Variants in GALNTL6 observed in about 807,000 individuals in gnomAD.
The protein encoded by GALNTL6 is polypeptide N-acetylgalactosaminyltransferase like 6.
GALNTL6 carries 46 observed loss-of-function variants against 73.7 expected under a neutral mutation model. That is an observed-to-expected ratio of 0.62 (90% CI 0.49 to 0.80). The LOEUF (loss-of-function observed/expected upper bound fraction) is 0.80, where lower values mean the gene tolerates loss of function less well. GALNTL6 is among the 30% of genes least tolerant of loss of function. The pLI is 0.00. For missense variants in GALNTL6, 604 were observed against 755.0 expected (o/e 0.80, Z 2.34); for synonymous variants, 259 against 263.7 (o/e 0.98, Z 0.17).
intron 5 of GALNTL6, among the ~76,000 whole-genome samples, chr4:172,452,141 A>G (rs1038949967): frequency 6.6e-6 from 1 of 152,214 alleles, no homozygotes; most frequent in Admixed American, 6.5e-5. Context: ...ATTTCCTGAT[A>G]TAACTGTCCA....
intron 3 of GALNTL6, among the ~76,000 whole-genome samples, chr4:172,307,525 T>A (rs576110536): frequency 1.3e-5 from 2 of 152,294 alleles, no homozygotes; most frequent in South Asian, 4.1e-4. Flanking sequence ...CTTGAGTTGA[T>A]TTTTGTATAA....
chr4:172,714,306 A>AACACACAC (rs3084330), intron 5 of GALNTL6, among the ~76,000 whole-genome samples: 4 of 149,276 alleles, frequency 2.7e-5, no homozygotes, highest in Admixed American at 1.3e-4. Flanking sequence ...TTTCACACCA[A>AACACACAC]ACACACACAC....
chr4:172,705,803 T>C lies in GALNTL6; in HGVS notation c.554-103558T>C, dbSNP rs570177741. Reference sequence around the variant, plus strand: ...CACTATTAGTATGTCATCCCACTTCTTCCTGTCCTGTAGGGTTTCTACTGA... The same window carrying C: ...CACTATTAGTATGTCATCCCACTTCCTCCTGTCCTGTAGGGTTTCTACTGA... On this transcript the variant is annotated intron_variant, in intron 5 of 12. Coordinates refer to ENST00000506823, the MANE Select transcript of GALNTL6 (RefSeq NM_001034845.3). Among the ~76,000 whole-genome samples the C allele has an allele frequency of 1.9e-3, 293 of 152,292 alleles. 3 individuals carry two copies. Among genetic ancestry groups the C allele is most frequent in the African/African-American group, 6.7e-3 (280 of 41,584 alleles).
At chr4:172,605,555 A>C (rs1267572089) in intron 5 of GALNTL6, among the ~76,000 whole-genome samples, 1 of 152,202 alleles carries the variant, frequency 6.6e-6, no homozygotes, top group Non-Finnish European at 1.5e-5. Flanking sequence ...AAACATATTA[A>C]GAACTTCTAG....
At chr4:172,551,913 A>G in intron 5 of GALNTL6, among the ~76,000 whole-genome samples, 1 of 152,258 alleles carries the variant, frequency 6.6e-6, no homozygotes, top group East Asian at 1.9e-4. Flanking sequence ...GTAAAGAAAA[A>G]TTCAAGTGTG....
At chr4:172,517,579 C>G (rs1350483330) in intron 5 of GALNTL6, among the ~76,000 whole-genome samples, 1 of 152,044 alleles carries the variant, frequency 6.6e-6, no homozygotes, top group Non-Finnish European at 1.5e-5. Context: ...CTTTTACCAC[C>G]AGCTCAACCT....
chr4:171,988,173 G>A (rs1042124521), intron 2 of GALNTL6, among the ~76,000 whole-genome samples: 3 of 152,202 alleles, frequency 2.0e-5, no homozygotes, highest in Non-Finnish European at 2.9e-5. Context: ...GGACAGAAAG[G>A]CTACAGGGTG....
intron 5 of GALNTL6, among the ~76,000 whole-genome samples, chr4:172,499,301 G>A (rs1357898737): frequency 6.6e-6 from 1 of 152,056 alleles, no homozygotes; most frequent in Admixed American, 6.6e-5. Context: ...CTTATAAGAG[G>A]AGACTCAAGA....
intron 2 of GALNTL6, among the ~76,000 whole-genome samples, chr4:171,842,655 T>C (rs1421715309): frequency 6.6e-6 from 1 of 151,286 alleles, no homozygotes; most frequent in East Asian, 2.0e-4. Context: ...AAGGAGGAGG[T>C]CCTAGACTCT....
chr4:172,305,728 G>T (rs1431420545), intron 3 of GALNTL6, among the ~76,000 whole-genome samples: 2 of 152,086 alleles, frequency 1.3e-5, no homozygotes, highest in South Asian at 2.1e-4. Flanking sequence ...AGTAAAAACT[G>T]CTGGCTTTGT....
intron 2 of GALNTL6, among the ~76,000 whole-genome samples, chr4:171,848,677 C>T (rs772886814): frequency 1.8e-4 from 28 of 152,238 alleles, no homozygotes; most frequent in Non-Finnish European, 3.8e-4. Flanking sequence ...TTCTTTAAAC[C>T]TCATGAACCA....
At chr4:171,977,289 G>A (rs1031902690) in intron 2 of GALNTL6, among the ~76,000 whole-genome samples, 1 of 152,160 alleles carries the variant, frequency 6.6e-6, no homozygotes, top group African/African-American at 2.4e-5. Flanking sequence ...TTATTGGTCT[G>A]AGTTATTACC....
chr4:172,841,089 T>C (rs930558358), intron 7 of GALNTL6, among the ~76,000 whole-genome samples: 6 of 152,292 alleles, frequency 3.9e-5, no homozygotes, highest in African/African-American at 1.4e-4. Context: ...TGCTGCCACA[T>C]CTGCTTCCAG....
intron 3 of GALNTL6, among the ~76,000 whole-genome samples, chr4:172,300,941 T>C (rs1014753576): frequency 5.3e-5 from 8 of 152,240 alleles, no homozygotes; most frequent in African/African-American, 1.9e-4. Flanking sequence ...GAAGTTCTCC[T>C]GGATAATTTC....
At chr4:172,624,244 G>C (rs775249699) in intron 5 of GALNTL6, among the ~76,000 whole-genome samples, 10 of 151,964 alleles carry the variant, frequency 6.6e-5, no homozygotes, top group Non-Finnish European at 1.2e-4. Context: ...CTTAACAGGA[G>C]TGCTTTTTTG....
At chr4:172,896,313 G>A (rs1746328234) in intron 8 of GALNTL6, among the ~76,000 whole-genome samples, 1 of 152,108 alleles carries the variant, frequency 6.6e-6, no homozygotes, top group Non-Finnish European at 1.5e-5. Flanking sequence ...TATGTTTCCT[G>A]AGTCCAGCTA....
chr4:172,210,755 A>C (rs1467658876), intron 2 of GALNTL6, among the ~76,000 whole-genome samples: 1 of 152,150 alleles, frequency 6.6e-6, no homozygotes, highest in Non-Finnish European at 1.5e-5. Context: ...ACACTTAAGG[A>C]ATAAAGAGTT....
chr4:172,636,434 G>A (rs887866420), intron 5 of GALNTL6, among the ~76,000 whole-genome samples: 1 of 152,128 alleles, frequency 6.6e-6, no homozygotes, highest in African/African-American at 2.4e-5. Context: ...TTTAGTTAAG[G>A]ATCTTCAGAT....
chr4:171,967,453 T>TGTTTTTTGTG (rs201757829), intron 2 of GALNTL6, among the ~76,000 whole-genome samples: 1 of 141,334 alleles, frequency 7.1e-6, no homozygotes, highest in African/African-American at 2.9e-5. Flanking sequence ...ATGGGTTTTT[T>TGTTTTTTGTG]TTTTTTTTTT....
Sources: gnomAD v4.1 joint callset for allele counts (sites outside exome capture counted in the v4.1 genomes callset) on GRCh38, gnomAD v4.1.1 for gene constraint, MANE v1.5 for transcripts, NCBI Gene and HGNC (gene_info 2026-07-23, HGNC 2026-07-21) for gene names.